The following DYNC1I1 variants were observed in gnomAD, a reference collection of about 807,000 sequenced individuals.
DYNC1I1 encodes cytoplasmic dynein 1 intermediate chain 1.
In DYNC1I1, 43 loss-of-function variants were observed where a neutral mutation model predicts 86.6. The observed-to-expected ratio is 0.50, with a 90% CI of 0.39 to 0.64. DYNC1I1 has a LOEUF of 0.64. DYNC1I1 is among the 30% of genes least tolerant of loss of function. The pLI is 0.00. For missense variants in DYNC1I1, 604 were observed against 788.8 expected (o/e 0.77, Z 2.81); for synonymous variants, 262 against 283.7 (o/e 0.92, Z 0.77).
At position 95,810,468 on chromosome 7, in the gene DYNC1I1, T is replaced by C; in HGVS notation, c.185T>C (p.Leu62Ser). The change falls in exon 3 of 17, where the codon TTG (leucine) becomes TCG (serine). Residue 62 changes from leucine to serine, a missense_variant. Physicochemically the swap from Leu to Ser is moderately radical, Grantham distance 145. Coordinates refer to ENST00000447467, the MANE Select transcript of DYNC1I1 (RefSeq NM_001135556.2). ...CGCAAACGACGAGAGACAGAGGCTT[T>C]GCTGCAAAGCATTGGTATCTCACCG... The part of the protein sequence containing the change: ...LDRKRRETEA[L>S]LQSIGISPEP... The C allele has an allele frequency of 6.2e-7, 1 of 1,613,032 alleles. No individual in the cohort carries two copies. The highest frequency in any genetic ancestry group is 8.5e-7 in the Non-Finnish European group (1 of 1,179,388).
intron 10 of DYNC1I1, among the ~76,000 whole-genome samples, chr7:96,015,204 A>G (rs941342731): frequency 3.3e-5 from 5 of 152,108 alleles, no homozygotes; most frequent in African/African-American, 7.2e-5. Context: ...ATGAAGCAAA[A>G]TGTTGCTTTT....
At chr7:95,780,946 A>T (rs1398301178) in intron 1 of DYNC1I1, among the ~76,000 whole-genome samples, 2 of 152,128 alleles carry the variant, frequency 1.3e-5, no homozygotes, top group African/African-American at 4.8e-5. Context: ...CGTTAGTATC[A>T]ATATAGCAAG....
chr7:95,800,023 C>A (rs1438352120), intron 1 of DYNC1I1, among the ~76,000 whole-genome samples: 1 of 150,036 alleles, frequency 6.7e-6, no homozygotes, highest in Non-Finnish European at 1.5e-5. Context: ...ATGTTTAGCT[C>A]TTTACTTATA....
intron 16 of DYNC1I1, among the ~76,000 whole-genome samples, chr7:96,088,689 G>C (rs1007023043): frequency 6.6e-6 from 1 of 152,122 alleles, no homozygotes. Context: ...TTTCTTACAT[G>C]TGTATGTGTG....
Position 96,041,265 on chromosome 7 carries a change from C to T in DYNC1I1, c.1509+1844C>T, listed in dbSNP as rs577938860. On this transcript the variant is annotated intron_variant, in intron 14 of 16. Coordinates refer to ENST00000447467, the MANE Select transcript of DYNC1I1 (RefSeq NM_001135556.2). Reference sequence around the variant, plus strand: ...TTTATAAGAGAAATTAAAATTAAAACCAAGTTGAGAAACATATTTCCAACT... The same window carrying T: ...TTTATAAGAGAAATTAAAATTAAAATCAAGTTGAGAAACATATTTCCAACT... Among the ~76,000 whole-genome samples, 11 of 152,194 alleles carry T rather than the reference C, an allele frequency of 7.2e-5. No individual in the cohort carries two copies. In the East Asian group the frequency reaches 2.1e-3, roughly 29 times the overall value.
chr7:95,791,026 CTTAAT>C (rs762870239), intron 1 of DYNC1I1, among the ~76,000 whole-genome samples: 5 of 152,146 alleles, frequency 3.3e-5, no homozygotes, highest in African/African-American at 4.8e-5. Flanking sequence ...TGAAGATATT[CTTAAT>C]TTATAGTTTT....
intron 10 of DYNC1I1, among the ~76,000 whole-genome samples, chr7:96,006,105 G>T (rs1365728638): frequency 6.6e-6 from 1 of 152,114 alleles, no homozygotes; most frequent in East Asian, 1.9e-4. Context: ...ATTTCATTTT[G>T]TTTTAAACAT....
At chr7:96,014,049 G>A (rs993485694) in intron 10 of DYNC1I1, among the ~76,000 whole-genome samples, 6 of 152,068 alleles carry the variant, frequency 3.9e-5, no homozygotes, top group Admixed American at 6.6e-5. Flanking sequence ...GTGTGTTACC[G>A]TAAGGGCTGC....
At chr7:95,821,814 G>T (rs2115889850) in intron 4 of DYNC1I1, among the ~76,000 whole-genome samples, 1 of 152,204 alleles carries the variant, frequency 6.6e-6, no homozygotes, top group African/African-American at 2.4e-5. Context: ...ACTTCCCAAA[G>T]AACTTTACTA....
chr7:95,789,326 T>C (rs2115704545), intron 1 of DYNC1I1, among the ~76,000 whole-genome samples: 1 of 152,334 alleles, frequency 6.6e-6, no homozygotes, highest in East Asian at 1.9e-4. Context: ...TTAGCATTTG[T>C]GTTGACATGG....
chr7:95,776,758 C>T lies in DYNC1I1; in HGVS notation c.-10+3985C>T, dbSNP rs116415024. ...AACATCAACTGACACTGAGTCAGGCCTGCAACTGAGTCAGGCCTCCAGGCG... is the reference window on the plus strand; with the variant it reads ...AACATCAACTGACACTGAGTCAGGCTTGCAACTGAGTCAGGCCTCCAGGCG... On this transcript the variant is annotated intron_variant, in intron 1 of 16. Coordinates refer to ENST00000447467, the MANE Select transcript of DYNC1I1 (RefSeq NM_001135556.2). 2.2e-3 allele frequency among the ~76,000 whole-genome samples: 337 copies of T among 152,314 alleles called. 1 individual carries two copies. The highest frequency in any genetic ancestry group is 7.8e-3 in the African/African-American group (323 of 41,574).
chr7:95,859,558 G>A (rs935370595), intron 5 of DYNC1I1, among the ~76,000 whole-genome samples: 2 of 152,222 alleles, frequency 1.3e-5, no homozygotes, highest in African/African-American at 4.8e-5. Flanking sequence ...CTGATGTGGT[G>A]TTGGGGTATG....
chr7:96,016,775 A>C (rs1316358615), intron 10 of DYNC1I1, among the ~76,000 whole-genome samples: 1 of 152,176 alleles, frequency 6.6e-6, no homozygotes, highest in African/African-American at 2.4e-5. Flanking sequence ...AGGAAGTACC[A>C]TATTTTTGAA....
At chr7:96,065,096 AT>A (rs2116191693) in intron 14 of DYNC1I1, among the ~76,000 whole-genome samples, 1 of 152,312 alleles carries the variant, frequency 6.6e-6, no homozygotes, top group East Asian at 1.9e-4. Flanking sequence ...CACATGGACC[AT>A]TGCCACATTT....
chr7:95,954,175 C>A (rs1467774488), intron 6 of DYNC1I1, among the ~76,000 whole-genome samples: 3 of 151,496 alleles, frequency 2.0e-5, no homozygotes, highest in African/African-American at 7.3e-5. Context: ...TCAAAACAGG[C>A]AATTCCGTGT....
intron 6 of DYNC1I1, among the ~76,000 whole-genome samples, chr7:95,972,662 C>G (rs534881782): frequency 1.3e-5 from 2 of 152,132 alleles, no homozygotes; most frequent in Non-Finnish European, 2.9e-5. Flanking sequence ...GTAAGGCTAT[C>G]AAAACAAGTC....
intron 6 of DYNC1I1, among the ~76,000 whole-genome samples, chr7:95,922,852 T>C (rs1030145657): frequency 6.6e-6 from 1 of 152,094 alleles, no homozygotes; most frequent in East Asian, 1.9e-4. Context: ...ACCTCCATTT[T>C]TTTTTCTAAA....
chr7:95,824,220 T>C (rs1795155205), intron 4 of DYNC1I1, among the ~76,000 whole-genome samples: 1 of 151,698 alleles, frequency 6.6e-6, no homozygotes, highest in Non-Finnish European at 1.5e-5. Context: ...TTGGAACCCG[T>C]GGGCTTCAGC....
At chr7:96,109,326 T>C (rs1791272541) in intron 16 of DYNC1I1, among the ~76,000 whole-genome samples, 1 of 151,904 alleles carries the variant, frequency 6.6e-6, no homozygotes, top group Admixed American at 6.6e-5. Flanking sequence ...ACTCGTCTTT[T>C]AGCATTAGGT....
Sources: gnomAD v4.1 joint callset for allele counts (sites outside exome capture counted in the v4.1 genomes callset) on GRCh38, gnomAD v4.1.1 for gene constraint, MANE v1.5 for transcripts, NCBI Gene and HGNC (gene_info 2026-07-23, HGNC 2026-07-21) for gene names.